CELSR1: variants seen among roughly 807,000 people sequenced by gnomAD.
CELSR1 encodes the protein adhesion G protein-coupled receptor C1.
Under a neutral mutation model 249.1 loss-of-function variants are expected in CELSR1, and 110 were observed. That is an observed-to-expected ratio of 0.44 (90% CI 0.38 to 0.52). The LOEUF (loss-of-function observed/expected upper bound fraction) is 0.52. Among genes scored for constraint, CELSR1 ranks in the 20% least tolerant of loss-of-function variants. The probability of loss-of-function intolerance (pLI) is 0.00; values close to 1 mark genes in which losing one functional copy is unlikely to be tolerated. For missense variants in CELSR1, 4,109 were observed against 4,296.4 expected (o/e 0.96, Z 1.22); for synonymous variants, 2,113 against 1,900.0 (o/e 1.11, Z -2.92).
chr22:46,375,107 C>T (rs969364083), intron 24 of CELSR1, among the ~76,000 whole-genome samples: 2 of 152,138 alleles, frequency 1.3e-5, no homozygotes, highest in Non-Finnish European at 2.9e-5. Flanking sequence ...CACCGCTTGC[C>T]GTAAAAAAGG....
rs764006362 is a variant in CELSR1 at position 46,464,300 on chromosome 22, A to G, written c.3590T>C (p.Ile1197Thr). ...GTTGGTCAGCATGTCGTCCGTGATG[A>G]TGGTGACACGCAGGGTGCAGAAGGC... Reference protein sequence around the residue: ...VTAFCTLRVTIITDDMLTNSI... With the variant: ...VTAFCTLRVTTITDDMLTNSI... Residue 1197 changes from isoleucine (I) to threonine (T), a missense_variant, in exon 2 of 35, where the codon ATC becomes ACC. Physicochemically the swap from Ile to Thr is moderately conservative, Grantham distance 89. Transcript: ENST00000674500. The surrounding 1 kb of genome is among the most constrained non-coding windows in gnomAD (Gnocchi z 8.5). 1.2e-6 allele frequency: 2 copies of G among 1,613,404 alleles called. No homozygotes were observed. The highest frequency in any genetic ancestry group is 2.2e-5 in the South Asian group (2 of 91,080).
In CELSR1 at chr22:46,408,031, C is replaced by T. The variant is rs962189195; in HGVS notation, c.5226+965G>A. ...CGGAGGTTGTGGCAGAAGGGCAGCC[C>T]GATGACAGAAGACAGGGCTCATAAC... is the stretch of plus-strand genomic sequence containing the variant. On this transcript the variant is annotated intron_variant, in intron 9 of 34. Coordinates refer to ENST00000674500, the MANE Select transcript of CELSR1 (RefSeq NM_001378328.1). This position sits in a 1 kb window ranked among gnomAD's most constrained non-coding sequence, Gnocchi z 4.6. 2.6e-5 allele frequency among the ~76,000 whole-genome samples: 4 copies of T among 152,078 alleles called. No homozygotes were observed. The highest frequency in any genetic ancestry group is 4.4e-5 in the Non-Finnish European group (3 of 68,018).
At position 46,518,282 on chromosome 22, in the gene CELSR1, G is replaced by A. The variant is rs1360576322; in HGVS notation, c.3544+15345C>T. Among the ~76,000 whole-genome samples, 1 of 152,222 alleles carries A rather than the reference G, an allele frequency of 6.6e-6. No individual in the cohort carries two copies. The highest frequency in any genetic ancestry group is 1.5e-5 in the Non-Finnish European group (1 of 68,040). On this transcript the variant is annotated intron_variant, in intron 1 of 34. Coordinates refer to ENST00000674500, the MANE Select transcript of CELSR1 (RefSeq NM_001378328.1). This position sits in a 1 kb window ranked among gnomAD's most constrained non-coding sequence, Gnocchi z 5.2. ...CAGCACAGACGCTGCTATCACAGCA[G>A]ACCTTACTGAGGAGTCAGAGCCTGT...
At position 46,393,066 on chromosome 22, in the gene CELSR1, C is replaced by T. The variant is rs1388062153; in HGVS notation, c.5964+1076G>A. ...CCGCAGGCACTGGGGGGGGACACTA[C>T]TGACATCACGAGATGGCATCCAAGG... On this transcript the variant is annotated intron_variant, in intron 14 of 34. Coordinates refer to ENST00000674500, the MANE Select transcript of CELSR1 (RefSeq NM_001378328.1). This position sits in a 1 kb window ranked among gnomAD's most constrained non-coding sequence, Gnocchi z 4.1. Among the ~76,000 whole-genome samples the T allele has an allele frequency of 6.6e-6, 1 of 152,198 alleles. No homozygotes were observed. The highest frequency in any genetic ancestry group is 2.4e-5 in the African/African-American group (1 of 41,450).
At chr22:46,372,820 C>G in intron 25 of CELSR1, 63 bp downstream of exon 25, 1 of 1,536,652 alleles carries the variant, frequency 6.5e-7, no homozygotes, top group South Asian at 1.2e-5. Context: ...GGCAGCGTTC[C>G]TGCACAGCTG....
intron 2 of CELSR1, among the ~76,000 whole-genome samples, chr22:46,456,670 A>T (rs1433236627): frequency 6.6e-6 from 1 of 150,700 alleles, no homozygotes; most frequent in African/African-American, 2.4e-5. Flanking sequence ...CTAAAAAAAA[A>T]AAAAAAAAAA....
chr22:46,415,681 T>C (rs2079391714), intron 5 of CELSR1, among the ~76,000 whole-genome samples: 1 of 151,520 alleles, frequency 6.6e-6, no homozygotes, highest in South Asian at 2.1e-4. Context: ...CCCCTGCCAC[T>C]CTCCACCTGA....
chr22:46,504,558 A>C (rs1311135860), intron 1 of CELSR1, among the ~76,000 whole-genome samples: 3 of 151,660 alleles, frequency 2.0e-5, no homozygotes, highest in Admixed American at 2.0e-4. Flanking sequence ...CAGATAAAAA[A>C]CTGCATCTTC....
At chr22:46,372,711 T>C (rs1247193327) in intron 25 of CELSR1, among the ~76,000 whole-genome samples, 172 bp downstream of exon 25, 3 of 152,134 alleles carry the variant, frequency 2.0e-5, no homozygotes, top group Non-Finnish European at 4.4e-5. Context: ...CCCAGGTGTC[T>C]GCGAGTGCCC....
At chr22:46,377,722 GTGAC>G in intron 23 of CELSR1, 2 of 192,234 alleles carry the variant, frequency 1.0e-5, no homozygotes, top group South Asian at 1.1e-4. Context: ...CTGCTGGGGA[GTGAC>G]ATTTGCCCAT....
rs1291295201 is a variant in CELSR1 at position 46,411,630 on chromosome 22, C to T, written c.4741G>A (p.Ala1581Thr). Residue 1581 changes from alanine (A) to threonine (T), a missense_variant, in exon 6 of 35, where the codon GCC becomes ACC. Ala to Thr is a moderately conservative substitution (Grantham distance 58, BLOSUM62 0). Transcript: ENST00000674500. The surrounding 1 kb of genome is among the most constrained non-coding windows in gnomAD (Gnocchi z 4.2). ...GKDIGNYSCA[A>T]QGTQTGSKKS... ...TTGGAGCCGGTCTGAGTGCCCTGGG[C>T]AGCGCAGCTGTAGTTCCCGATGTCC... is the stretch of plus-strand genomic sequence containing the variant. The T allele has an allele frequency of 6.2e-7, 1 of 1,614,164 alleles. No homozygotes were observed. The highest frequency in any genetic ancestry group is 1.7e-5 in the Admixed American group (1 of 60,032).
rs996696701 is a variant in CELSR1 at position 46,410,808 on chromosome 22, C to T, written c.4770-247G>A. ...TCACGCTCACCAGTGACCACCAAGCCCCGCCCACCCAGGCTGGTCCACACC... is the reference window on the plus strand; with the variant it reads ...TCACGCTCACCAGTGACCACCAAGCTCCGCCCACCCAGGCTGGTCCACACC... On this transcript the variant is annotated intron_variant, in intron 6 of 34. Coordinates refer to ENST00000674500, the MANE Select transcript of CELSR1 (RefSeq NM_001378328.1). This position sits in a 1 kb window ranked among gnomAD's most constrained non-coding sequence, Gnocchi z 6.8. Among the ~76,000 whole-genome samples the T allele has an allele frequency of 6.6e-6, 1 of 152,018 alleles. No homozygotes were observed. The highest frequency in any genetic ancestry group is 1.5e-5 in the Non-Finnish European group (1 of 68,000).
At chr22:46,479,207 C>G (rs1251392154) in intron 1 of CELSR1, among the ~76,000 whole-genome samples, 1 of 151,928 alleles carries the variant, frequency 6.6e-6, no homozygotes, top group East Asian at 1.9e-4. Context: ...TTTGCTGAAT[C>G]CTGGGAGCTT....
intron 1 of CELSR1, among the ~76,000 whole-genome samples, chr22:46,509,153 C>T (rs2080546512): frequency 6.6e-6 from 1 of 152,160 alleles, no homozygotes; most frequent in Non-Finnish European, 1.5e-5. Context: ...TGCGAGGACA[C>T]TTCTCTGCTC....
At position 46,369,769 on chromosome 22, in the gene CELSR1, T is replaced by TC; in HGVS notation, c.7794dup (p.Asn2599GlufsTer148). 6.2e-7 allele frequency: 1 copy of TC among 1,613,274 alleles called. No individual in the cohort carries two copies. The highest frequency in any genetic ancestry group is 8.5e-7 in the Non-Finnish European group (1 of 1,179,992). The stretch of plus-strand genomic sequence containing the variant: ...AGCGACAGCCAGCAGAAGTCGGGGT[T>TC]CCCGTAGCCCTGGGGGTCCAGGCCG... On this transcript the variant is annotated frameshift_variant, in exon 26 of 35. Transcript: ENST00000674500. LOFTEE classifies it high-confidence loss of function.
rs528586416 is a variant in CELSR1 at position 46,523,299 on chromosome 22, C to T, written c.3544+10328G>A. 9.9e-5 allele frequency among the ~76,000 whole-genome samples: 15 copies of T among 152,230 alleles called. No homozygotes were observed. In the East Asian group the frequency reaches 1.7e-3, roughly 18 times the overall value. ...ATCCCAGCACTTTGGGAGGCCAAGG[C>T]GGACGGTTCAGCTGAGGTCAGGAGC... On this transcript the variant is annotated intron_variant, in intron 1 of 34. Coordinates refer to ENST00000674500, the MANE Select transcript of CELSR1 (RefSeq NM_001378328.1).
rs977548383 is a variant in CELSR1 at position 46,473,033 on chromosome 22, C to T, written c.3545-8688G>A. ...ATTTTGGGGGGACGTTAGTCAACCC[C>T]GGGAATGCAGAGTAGCGGAGAGACA... On this transcript the variant is annotated intron_variant, in intron 1 of 34. Coordinates refer to ENST00000674500, the MANE Select transcript of CELSR1 (RefSeq NM_001378328.1). This position sits in a 1 kb window ranked among gnomAD's most constrained non-coding sequence, Gnocchi z 6.6. 9.2e-5 allele frequency among the ~76,000 whole-genome samples: 14 copies of T among 152,058 alleles called. No homozygotes were observed. The highest frequency in any genetic ancestry group is 3.9e-4 in the Admixed American group (6 of 15,270).
intron 1 of CELSR1, among the ~76,000 whole-genome samples, chr22:46,528,367 A>G (rs1257234369): frequency 3.9e-5 from 6 of 152,216 alleles, no homozygotes; most frequent in Non-Finnish European, 7.3e-5. Context: ...ACCGAGTTTC[A>G]GTATTTTCTG....
At position 46,448,700 on chromosome 22, in the gene CELSR1, G is replaced by A; in HGVS notation, c.4184-9289C>T. 9.4e-6 allele frequency: 3 copies of A among 318,330 alleles called. No homozygotes were observed. 19.7% of individuals were successfully genotyped at this position (318,330 alleles called of 1,614,324 possible). ...CACAAGAACAGAGAACAAGGAGTGA[G>A]TGGAAGGGCCCGGGAACAGGAACAC... On this transcript the variant is annotated intron_variant, in intron 2 of 34. Coordinates refer to ENST00000674500, the MANE Select transcript of CELSR1 (RefSeq NM_001378328.1). The surrounding 1 kb of genome is among the most constrained non-coding windows in gnomAD (Gnocchi z 5.7).
Sources: gnomAD v4.1 joint callset for allele counts (sites outside exome capture counted in the v4.1 genomes callset) on GRCh38, gnomAD v4.1.1 for gene constraint, Gnocchi (gnomAD v3.1) non-coding constraint, MANE v1.5 for transcripts, NCBI Gene and HGNC (gene_info 2026-07-23, HGNC 2026-07-21) for gene names.